Variants in ORC4 observed in about 807,000 individuals in gnomAD.
The protein encoded by ORC4 is origin recognition complex subunit 4.
In ORC4, 55 loss-of-function variants were observed where a neutral mutation model predicts 63.9. The observed-to-expected ratio is 0.86, with a 90% CI of 0.69 to 1.08. The LOEUF (loss-of-function observed/expected upper bound fraction) is 1.08. Ranked by LOEUF, ORC4 falls within the 50% of genes least tolerant of loss-of-function variation. ORC4 has a pLI of 0.00. For missense variants in ORC4, 511 were observed against 504.4 expected, an observed-to-expected ratio of 1.01 and a Z score of -0.13; for synonymous variants, 150 against 168.5, an observed-to-expected ratio of 0.89 and a Z score of 0.85.
intron 1 of ORC4, among the ~76,000 whole-genome samples, chr2:147,990,212 T>G (rs1275875150): frequency 6.6e-6 from 1 of 152,218 alleles, no homozygotes; most frequent in Admixed American, 6.5e-5. Flanking sequence ...CTCTCTTCAG[T>G]TCGATAAAAT....
intron 8 of ORC4, among the ~76,000 whole-genome samples, chr2:147,948,853 T>C (rs1041890507): frequency 3.3e-5 from 5 of 151,294 alleles, no homozygotes; most frequent in South Asian, 2.1e-4. Flanking sequence ...ACAAAACTGA[T>C]AGGCATTCAA....
At chr2:148,018,442 A>G (rs182978087) in intron 1 of ORC4, among the ~76,000 whole-genome samples, 111 of 152,354 alleles carry the variant, frequency 7.3e-4, no homozygotes, top group African/African-American at 2.4e-3. Flanking sequence ...ACCCATGGTA[A>G]TGTACATTAA....
intron 1 of ORC4, among the ~76,000 whole-genome samples, chr2:148,001,693 T>C (rs763686554): frequency 1.3e-5 from 2 of 152,102 alleles, no homozygotes; most frequent in African/African-American, 4.8e-5. Context: ...ATGAAGAAAC[T>C]ACATCAACTA....
At chr2:147,945,562 C>G (rs888774424) in intron 9 of ORC4, among the ~76,000 whole-genome samples, 20 of 152,044 alleles carry the variant, frequency 1.3e-4, no homozygotes, top group African/African-American at 4.8e-4. Context: ...AGGTATGATT[C>G]TTTTAAATGT....
At position 147,930,463 on chromosome 2, in the gene ORC4, A is replaced by G. The variant is rs1241480884; in HGVS notation, c.*5047T>C. 4 of 151,606 alleles carry G rather than the reference A, an allele frequency of 2.6e-5. No individual in the cohort carries two copies. The highest frequency in any genetic ancestry group is 9.7e-5 in the African/African-American group (4 of 41,102). The allele number at this position is 151,606 out of a possible 1,614,324, so 9.4% of individuals were successfully genotyped here. On this transcript the variant is annotated 3_prime_UTR_variant, in exon 14 of 14. Coordinates refer to ENST00000392857, the MANE Select transcript of ORC4 (RefSeq NM_181741.4). Reference sequence around the variant, plus strand: ...TTTAGGAACATTTGGTATGATATGCATAAAATTATTTATCCATTTATGGGC... The same window carrying G: ...TTTAGGAACATTTGGTATGATATGCGTAAAATTATTTATCCATTTATGGGC...
At chr2:147,958,435 A>C (rs1689388827) in intron 5 of ORC4, 52 bp from the exon 6 acceptor site, 3 of 1,316,546 alleles carry the variant, frequency 2.3e-6, no homozygotes, top group African/African-American at 1.5e-5. Context: ...CATGTATTTG[A>C]TACAGCAGGT....
intron 6 of ORC4, among the ~76,000 whole-genome samples, chr2:147,957,479 C>T (rs1385242647): frequency 6.6e-6 from 1 of 151,784 alleles, no homozygotes; most frequent in Admixed American, 6.6e-5. Flanking sequence ...TAGGTAATTT[C>T]ATCATGAAAA....
At chr2:147,992,266 T>C (rs1691662732) in intron 1 of ORC4, among the ~76,000 whole-genome samples, 1 of 152,120 alleles carries the variant, frequency 6.6e-6, no homozygotes, top group African/African-American at 2.4e-5. Context: ...AAAACTTTTT[T>C]TTGTTTTTGG....
At chr2:147,988,819 C>T (rs1691389182) in intron 1 of ORC4, among the ~76,000 whole-genome samples, 1 of 150,370 alleles carries the variant, frequency 6.7e-6, no homozygotes, top group Non-Finnish European at 1.5e-5. Context: ...TTTACTTCAT[C>T]TGGAATTTTA....
upstream of ORC4, chr2:148,021,457 C>A: frequency 1.7e-6 from 1 of 576,308 alleles, no homozygotes. Flanking sequence ...CCCTTTGCTG[C>A]TGCTGTTGCT....
chr2:147,966,824 AG>A (rs1020342386), intron 4 of ORC4, among the ~76,000 whole-genome samples: 1 of 152,194 alleles, frequency 6.6e-6, no homozygotes, highest in Non-Finnish European at 1.5e-5. Context: ...AAATTCAAGC[AG>A]AGAAAATTCT....
chr2:147,983,243 T>A (rs931033802), intron 1 of ORC4, among the ~76,000 whole-genome samples: 1 of 152,198 alleles, frequency 6.6e-6, no homozygotes, highest in African/African-American at 2.4e-5. Context: ...AAAACTTATG[T>A]TCACACAAAA....
At chr2:147,948,780 G>T (rs1688793081) in intron 8 of ORC4, among the ~76,000 whole-genome samples, 1 of 151,014 alleles carries the variant, frequency 6.6e-6, no homozygotes, top group South Asian at 2.1e-4. Context: ...AAAACCAAAG[G>T]ATAACTAATA....
At chr2:147,941,478 C>T (rs1399248128) in intron 10 of ORC4, among the ~76,000 whole-genome samples, 1 of 151,858 alleles carries the variant, frequency 6.6e-6, no homozygotes, top group Non-Finnish European at 1.5e-5. Flanking sequence ...ATCTTTAACA[C>T]CCACTAGATT....
At chr2:147,987,772 G>A (rs1691307811) in intron 1 of ORC4, among the ~76,000 whole-genome samples, 1 of 152,102 alleles carries the variant, frequency 6.6e-6, no homozygotes, top group South Asian at 2.1e-4. Context: ...AAGTATTGTA[G>A]GCTGGGCACA....
intron 1 of ORC4, among the ~76,000 whole-genome samples, chr2:147,992,947 AC>A (rs1691713828): frequency 6.6e-6 from 1 of 152,148 alleles, no homozygotes; most frequent in Admixed American, 6.6e-5. Context: ...AACTATAAAG[AC>A]ATATCTGACC....
chr2:148,015,040 T>C (rs1296870074), intron 1 of ORC4, among the ~76,000 whole-genome samples: 2 of 151,012 alleles, frequency 1.3e-5, no homozygotes, highest in Non-Finnish European at 2.9e-5. Context: ...TCTCGATGAA[T>C]ACAGGGCAAG....
At chr2:147,957,737 GT>G (rs1689342944) in intron 6 of ORC4, among the ~76,000 whole-genome samples, 1 of 152,068 alleles carries the variant, frequency 6.6e-6, no homozygotes, top group South Asian at 2.1e-4. Flanking sequence ...GATGTGTAAT[GT>G]TTTCTTTCTT....
intron 7 of ORC4, among the ~76,000 whole-genome samples, chr2:147,954,915 A>T (rs917163522): frequency 6.6e-6 from 1 of 152,116 alleles, no homozygotes; most frequent in Non-Finnish European, 1.5e-5. Flanking sequence ...ACAGAAATTT[A>T]TCCCAGGAAA....
Sources: gnomAD v4.1 joint callset for allele counts (sites outside exome capture counted in the v4.1 genomes callset) on GRCh38, gnomAD v4.1.1 for gene constraint, MANE v1.5 for transcripts, NCBI Gene and HGNC (gene_info 2026-07-23, HGNC 2026-07-21) for gene names.